Variants in SPIDR observed in about 807,000 individuals in gnomAD.
SPIDR encodes the protein scaffold protein involved in DNA repair, also known as DNA repair-scaffolding protein.
A neutral mutation model predicts 104.6 loss-of-function variants in SPIDR; 93 were observed. The observed-to-expected ratio is 0.89, with a 90% CI of 0.75 to 1.06. The LOEUF (loss-of-function observed/expected upper bound fraction) is 1.06, where lower values mean the gene tolerates loss of function less well. Among genes scored for constraint, SPIDR ranks in the 50% least tolerant of loss-of-function variants. SPIDR has a pLI of 0.00. For synonymous variants in SPIDR, 431 were observed against 416.9 expected (o/e 1.03, Z -0.41); for missense variants, 1,154 against 1,111.2 (o/e 1.04, Z -0.55).
At chr8:47,576,779 A>C (rs761695723) in intron 8 of SPIDR, among the ~76,000 whole-genome samples, 10 of 152,248 alleles carry the variant, frequency 6.6e-5, no homozygotes, top group Non-Finnish European at 1.2e-4. Flanking sequence ...AAATACCTTC[A>C]TATCCATTAT....
chr8:47,386,365 G>T (rs1333295844), intron 5 of SPIDR, among the ~76,000 whole-genome samples: 10 of 152,080 alleles, frequency 6.6e-5, no homozygotes, highest in African/African-American at 1.9e-4. Flanking sequence ...ATTTAATGGG[G>T]TAATTCTACT....
chr8:47,626,586 A>G (rs898192773), intron 10 of SPIDR, among the ~76,000 whole-genome samples: 2 of 152,264 alleles, frequency 1.3e-5, no homozygotes, highest in Non-Finnish European at 2.9e-5. Flanking sequence ...AAGGATATGA[A>G]CAGACACTCT....
At chr8:47,274,909 C>T (rs77408907) in intron 1 of SPIDR, among the ~76,000 whole-genome samples, 144 of 150,358 alleles carry the variant, frequency 9.6e-4, no homozygotes, top group Admixed American at 1.7e-3. Flanking sequence ...CATTACTAAT[C>T]ATAAAAATAA....
At chr8:47,414,888 GT>G in intron 7 of SPIDR, among the ~76,000 whole-genome samples, 1 of 151,908 alleles carries the variant, frequency 6.6e-6, no homozygotes, top group East Asian at 1.9e-4. Flanking sequence ...TATTCTGCCC[GT>G]TTTTGTTTTG....
At chr8:47,369,532 T>C (rs1465754101) in intron 5 of SPIDR, among the ~76,000 whole-genome samples, 2 of 152,228 alleles carry the variant, frequency 1.3e-5, no homozygotes, top group East Asian at 3.9e-4. Flanking sequence ...TGGCCACTTC[T>C]GTCTTGGGTG....
At chr8:47,512,214 T>C (rs2082440145) in intron 8 of SPIDR, 2 of 332,970 alleles carry the variant, frequency 6.0e-6, no homozygotes, top group Non-Finnish European at 5.7e-6. Context: ...AGTGGGACTT[T>C]TGTCTTTCTC....
chr8:47,464,883 C>A (rs1293097676), intron 8 of SPIDR, among the ~76,000 whole-genome samples: 1 of 152,116 alleles, frequency 6.6e-6, no homozygotes, highest in African/African-American at 2.4e-5. Context: ...ATTCTCCTGC[C>A]TCAGCCTCCC....
At chr8:47,451,209 A>G (rs929152506) in intron 8 of SPIDR, among the ~76,000 whole-genome samples, 3 of 152,218 alleles carry the variant, frequency 2.0e-5, no homozygotes, top group Admixed American at 2.0e-4. Flanking sequence ...CAAAATGAAA[A>G]TATCAGTAAA....
At chr8:47,695,948 G>A (rs941786281) in intron 11 of SPIDR, among the ~76,000 whole-genome samples, 5 of 152,144 alleles carry the variant, frequency 3.3e-5, no homozygotes, top group African/African-American at 9.7e-5. Context: ...CCTCTTGGGC[G>A]TGGTGCCACT....
intron 11 of SPIDR, among the ~76,000 whole-genome samples, chr8:47,685,178 C>T (rs2077596218): frequency 6.6e-6 from 1 of 152,052 alleles, no homozygotes; most frequent in African/African-American, 2.4e-5. Context: ...CCATTGCACT[C>T]CAGCCTGGGC....
intron 5 of SPIDR, among the ~76,000 whole-genome samples, chr8:47,339,513 A>C (rs913995851): frequency 1.3e-5 from 2 of 152,120 alleles, no homozygotes; most frequent in Non-Finnish European, 2.9e-5. Flanking sequence ...AGAGTGAACT[A>C]AGTACTGGGG....
chr8:47,328,650 T>G (rs371795198), intron 5 of SPIDR, among the ~76,000 whole-genome samples: 1 of 152,196 alleles, frequency 6.6e-6, no homozygotes, highest in Non-Finnish European at 1.5e-5. Context: ...CACCCTTGTT[T>G]AGTGTATTGT....
Position 47,701,761 on chromosome 8 carries a change from T to C in SPIDR, c.1814T>C (p.Leu605Pro). 1 of 1,614,170 alleles carries C rather than the reference T, an allele frequency of 6.2e-7. No individual in the cohort carries two copies. Among genetic ancestry groups the C allele is most frequent in the Non-Finnish European group, 8.5e-7 (1 of 1,180,028 alleles). Residue 605 changes from leucine to proline, a missense_variant, in exon 13 of 20, where the codon CTC becomes CCC. Transcript: ENST00000297423. ...CCTCCTCCAGCCTTGTGTTACATCC[T>C]CACAGCTCATCCAAATCTGGGACAA... ...HLPPPALCYI[L>P]TAHPNLGQID...
chr8:47,582,781 T>G (rs2059839052), intron 8 of SPIDR, among the ~76,000 whole-genome samples: 1 of 151,578 alleles, frequency 6.6e-6, no homozygotes. Flanking sequence ...GGGTCACTTG[T>G]TGTCTGGGCA....
At chr8:47,443,762 T>C (rs2069966118) in intron 8 of SPIDR, among the ~76,000 whole-genome samples, 2 of 151,504 alleles carry the variant, frequency 1.3e-5, no homozygotes, top group African/African-American at 4.8e-5. Flanking sequence ...TTTTTTAACA[T>C]GGGCACAGTT....
At chr8:47,301,104 G>A (rs1742505066) in intron 5 of SPIDR, among the ~76,000 whole-genome samples, 1 of 152,274 alleles carries the variant, frequency 6.6e-6, no homozygotes, top group Non-Finnish European at 1.5e-5. Context: ...AGGTCTCTAA[G>A]GACTTGCTTT....
intron 7 of SPIDR, among the ~76,000 whole-genome samples, chr8:47,437,691 A>G (rs1373824006): frequency 3.3e-5 from 5 of 152,070 alleles, no homozygotes; most frequent in African/African-American, 1.2e-4. Flanking sequence ...ACAATGAGAT[A>G]CCATCTCACA....
chr8:47,539,223 C>A (rs745306863), intron 8 of SPIDR, among the ~76,000 whole-genome samples: 2 of 151,992 alleles, frequency 1.3e-5, no homozygotes, highest in East Asian at 1.9e-4. Flanking sequence ...AGAAACTACC[C>A]GTTACTGCAC....
At chr8:47,323,433 A>AT (rs2047128560) in intron 5 of SPIDR, among the ~76,000 whole-genome samples, 1 of 152,034 alleles carries the variant, frequency 6.6e-6, no homozygotes, top group Non-Finnish European at 1.5e-5. Context: ...TGATAATGAA[A>AT]TTTTTTTGAT....
Sources: gnomAD v4.1 joint callset for allele counts (sites outside exome capture counted in the v4.1 genomes callset) on GRCh38, gnomAD v4.1.1 for gene constraint, MANE v1.5 for transcripts, NCBI Gene and HGNC (gene_info 2026-07-23, HGNC 2026-07-21) for gene names.